The following AP1S3 variants were observed in gnomAD, a reference collection of about 807,000 sequenced individuals.
AP1S3 encodes the protein adaptor related protein complex 1 subunit sigma 3, also known as AP-1 complex subunit sigma-3.
A neutral mutation model predicts 20.9 loss-of-function variants in AP1S3; 10 were observed. The observed-to-expected ratio is 0.48, with a 90% CI of 0.29 to 0.81. The LOEUF (loss-of-function observed/expected upper bound fraction) is 0.81, where lower values mean the gene tolerates loss of function less well. AP1S3 is among the 30% of genes least tolerant of loss of function. AP1S3 has a pLI of 0.08. For missense variants in AP1S3, 154 were observed against 183.8 expected, an observed-to-expected ratio of 0.84 and a Z score of 0.94; for synonymous variants, 41 against 61.5, an observed-to-expected ratio of 0.67 and a Z score of 1.56.
At position 223,833,604 on chromosome 2, in the gene AP1S3, A is replaced by T. The variant is rs146197106; in HGVS notation, c.3+3844T>A. On this transcript the variant is annotated intron_variant, in intron 1 of 4. Transcript: ENST00000396654. Reference sequence around the variant, plus strand: ...CTAGATCTGCCAGTAAGCATCTACCAGTTTCCTAGCATAAAAGTCAGCAAA... The same window carrying T: ...CTAGATCTGCCAGTAAGCATCTACCTGTTTCCTAGCATAAAAGTCAGCAAA... Among the ~76,000 whole-genome samples the T allele has an allele frequency of 1.4e-3, 209 of 152,346 alleles. 2 individuals carry two copies. Among genetic ancestry groups the T allele is most frequent in the Middle Eastern group, 6.8e-3 (2 of 294 alleles).
At position 223,829,846 on chromosome 2, in the gene AP1S3, C is replaced by A. The variant is rs10184087; in HGVS notation, c.3+7602G>T. Among the ~76,000 whole-genome samples, 896 of 125,438 alleles carry A rather than the reference C, an allele frequency of 7.1e-3. 7 individuals are homozygous for A. The highest frequency in any genetic ancestry group is 0.023 in the African/African-American group (802 of 35,566). 82.3% of individuals were successfully genotyped at this position (125,438 alleles called of 152,430 possible). A position where few individuals can be genotyped will look rare whatever the true frequency, so the allele number is the denominator to read the frequency against. ...AGTGAGACTCCATCTCAAAAAAAAA[C>A]AAAAAAAAAACAAAAAAACACAGCT... On this transcript the variant is annotated intron_variant, in intron 1 of 4. Transcript: ENST00000396654.
intron 1 of AP1S3, among the ~76,000 whole-genome samples, chr2:223,795,745 TTATCA>T (rs1373602889): frequency 6.6e-6 from 1 of 152,160 alleles, no homozygotes; most frequent in Non-Finnish European, 1.5e-5. Flanking sequence ...TGTAGTCTCC[TTATCA>T]ACAAAATAGG....
chr2:223,821,692 G>A (rs1533609), intron 1 of AP1S3, among the ~76,000 whole-genome samples: 48,902 of 151,892 alleles, frequency 0.32, 8,292 homozygotes, highest in Middle Eastern at 0.42. Context: ...AGCCAGCTAT[G>A]GACACGAAAA....
chr2:223,788,443 A>T (rs1242288454), intron 1 of AP1S3, among the ~76,000 whole-genome samples: 2 of 151,318 alleles, frequency 1.3e-5, no homozygotes, highest in African/African-American at 4.9e-5. Context: ...TGACACCCTG[A>T]CTCTACTAAA....
chr2:223,805,561 T>A (rs577380253), intron 1 of AP1S3, among the ~76,000 whole-genome samples: 85 of 152,318 alleles, frequency 5.6e-4, no homozygotes, highest in African/African-American at 2.0e-3. Flanking sequence ...AGCCTCAAAA[T>A]TTATTCTGCT....
At chr2:223,811,487 TG>T (rs1356011615) in intron 1 of AP1S3, among the ~76,000 whole-genome samples, 1 of 150,790 alleles carries the variant, frequency 6.6e-6, no homozygotes, top group East Asian at 2.0e-4. Flanking sequence ...GAGAATCGCT[TG>T]AACCCGGTGG....
At chr2:223,807,385 C>G (rs565130611) in intron 1 of AP1S3, among the ~76,000 whole-genome samples, 32 of 152,300 alleles carry the variant, frequency 2.1e-4, no homozygotes, top group African/African-American at 7.7e-4. Context: ...TCAGGGACAT[C>G]ACCTCAACAC....
At chr2:223,805,398 G>T (rs1050157458) in intron 1 of AP1S3, among the ~76,000 whole-genome samples, 2 of 151,942 alleles carry the variant, frequency 1.3e-5, no homozygotes, top group Admixed American at 6.6e-5. Context: ...AGCCAAGATC[G>T]CACCATTACA....
At chr2:223,808,989 C>T (rs1032075190) in intron 1 of AP1S3, among the ~76,000 whole-genome samples, 1 of 151,886 alleles carries the variant, frequency 6.6e-6, no homozygotes, top group African/African-American at 2.4e-5. Context: ...AGGGAGACCC[C>T]GTCTAAAAAA....
At chr2:223,831,384 T>A (rs943637299) in intron 1 of AP1S3, among the ~76,000 whole-genome samples, 1 of 152,218 alleles carries the variant, frequency 6.6e-6, no homozygotes, top group Non-Finnish European at 1.5e-5. Context: ...TCCACACACC[T>A]TGGCCTCCCA....
chr2:223,805,577 A>C (rs967282841), intron 1 of AP1S3, among the ~76,000 whole-genome samples: 2 of 152,350 alleles, frequency 1.3e-5, no homozygotes, highest in Admixed American at 1.3e-4. Flanking sequence ...CTGCTAAATC[A>C]TCCACCAGGT....
At chr2:223,775,434 A>G (rs1690760439) in intron 3 of AP1S3, among the ~76,000 whole-genome samples, 1 of 152,266 alleles carries the variant, frequency 6.6e-6, no homozygotes, top group Non-Finnish European at 1.5e-5. Context: ...GACAAAGCCA[A>G]TGAAGAATAA....
At chr2:223,782,017 T>C (rs1246203521) in intron 1 of AP1S3, among the ~76,000 whole-genome samples, 1 of 151,408 alleles carries the variant, frequency 6.6e-6, no homozygotes, top group Non-Finnish European at 1.5e-5. Flanking sequence ...AAGTCTTTTT[T>C]TTTTTTTTTT....
chr2:223,786,368 A>G (rs562766691), intron 1 of AP1S3, among the ~76,000 whole-genome samples: 14 of 152,318 alleles, frequency 9.2e-5, no homozygotes, highest in South Asian at 2.1e-4. Context: ...GCGAACCTAC[A>G]GTTTAGGTTT....
At position 223,756,326 on chromosome 2, in the gene AP1S3, GAGGAAAGAAAAGAA is replaced by G. The variant is rs1690215293; in HGVS notation, c.*2375_*2388del. Among the ~76,000 whole-genome samples, 1 of 141,012 alleles carries G rather than the reference GAGGAAAGAAAAGAA, an allele frequency of 7.1e-6. No individual in the cohort carries two copies. Among genetic ancestry groups the G allele is most frequent in the South Asian group, 2.3e-4 (1 of 4,410 alleles). The allele number at this position is 141,012 out of a possible 152,430, so 92.5% of individuals were successfully genotyped here. ...CACTCTGGCCTGGGTGACAAGAAGC[GAGGAAAGAAAAGAA>G]AGAAAAGAAAAGAAAAGAGAAAAAG... On this transcript the variant is annotated 3_prime_UTR_variant, in exon 5 of 5. Transcript: ENST00000396654.
At chr2:223,812,600 T>A (rs1691758129) in intron 1 of AP1S3, among the ~76,000 whole-genome samples, 1 of 152,224 alleles carries the variant, frequency 6.6e-6, no homozygotes, top group Non-Finnish European at 1.5e-5. Context: ...AGAAGTGGCT[T>A]TTTTGTTTTG....
At chr2:223,774,372 T>TAATAAATA (rs56121039) in intron 3 of AP1S3, among the ~76,000 whole-genome samples, 4,668 of 145,448 alleles carry the variant, frequency 0.032, 111 homozygotes, top group Non-Finnish European at 0.042. Flanking sequence ...TCTCAATAAA[T>TAATAAATA]AATAAATAAA....
At chr2:223,797,089 C>T (rs1691354980) in intron 1 of AP1S3, among the ~76,000 whole-genome samples, 1 of 152,184 alleles carries the variant, frequency 6.6e-6, no homozygotes, top group Admixed American at 6.5e-5. Context: ...TCACTCTTTT[C>T]CCACCAGTTT....
Position 223,756,755 on chromosome 2 carries a change from T to C in AP1S3, c.*1960A>G. 1 of 985,384 alleles carries C rather than the reference T, an allele frequency of 1.0e-6. No homozygotes were observed. The highest frequency in any genetic ancestry group is 1.2e-6 in the Non-Finnish European group (1 of 829,924). 61.0% of individuals were successfully genotyped at this position (985,384 alleles called of 1,614,324 possible). A position where few individuals can be genotyped will look rare whatever the true frequency, so the allele number is the denominator to read the frequency against. ...TGCTTGCTTTGCTGTTTTCCCTAAATATGTCTGCTGAGATGAACTAAAGAG... is the reference window on the plus strand; with the variant it reads ...TGCTTGCTTTGCTGTTTTCCCTAAACATGTCTGCTGAGATGAACTAAAGAG... On this transcript the variant is annotated 3_prime_UTR_variant, in exon 5 of 5. Transcript: ENST00000396654.
Sources: allele counts gnomAD v4.1 joint callset (sites outside exome capture counted in the v4.1 genomes callset), GRCh38; gene constraint gnomAD v4.1.1; transcripts MANE v1.5; gene names NCBI Gene and HGNC (gene_info 2026-07-23, HGNC 2026-07-21).